COMMD1: variants seen among roughly 807,000 people sequenced by gnomAD.
COMMD1 encodes copper metabolism domain containing 1.
COMMD1 carries 10 observed loss-of-function variants against 17.2 expected under a neutral mutation model. That is an observed-to-expected ratio of 0.58 (90% confidence interval 0.36 to 0.99). COMMD1 has a LOEUF of 0.99. Ranked by LOEUF, COMMD1 falls within the 50% of genes least tolerant of loss-of-function variation. The pLI, the probability that COMMD1 is intolerant of heterozygous loss-of-function variation, is 0.01. For missense variants in COMMD1, 270 were observed against 231.8 expected (o/e 1.17, Z -1.07); for synonymous variants, 97 against 91.6 (o/e 1.06, Z -0.34).
intron 1 of COMMD1, among the ~76,000 whole-genome samples, chr2:61,988,976 C>G (rs1238033251): frequency 6.6e-6 from 1 of 152,196 alleles, no homozygotes; most frequent in Non-Finnish European, 1.5e-5. Flanking sequence ...CTCTCCCAAA[C>G]ACACAGATTC....
At chr2:61,906,432 G>A (rs1669773772) in intron 1 of COMMD1, among the ~76,000 whole-genome samples, 1 of 152,190 alleles carries the variant, frequency 6.6e-6, no homozygotes, top group Non-Finnish European at 1.5e-5. Flanking sequence ...AATAGCCAAA[G>A]TATTATCACT....
upstream of COMMD1, among the ~76,000 whole-genome samples, chr2:61,904,000 G>GTAT (rs1316626788): frequency 1.3e-5 from 2 of 151,940 alleles, no homozygotes; most frequent in African/African-American, 4.8e-5. Flanking sequence ...GAAACACAAT[G>GTAT]TATTATTATT....
chr2:62,082,895 GTTTCC>G (rs1671564084), intron 2 of COMMD1, among the ~76,000 whole-genome samples: 1 of 152,136 alleles, frequency 6.6e-6, no homozygotes, highest in African/African-American at 2.4e-5. Flanking sequence ...AAAAAAACAA[GTTTCC>G]TTCCCTTCCT....
At chr2:61,905,991 C>A in intron 1 of COMMD1, 133 bp downstream of exon 1, 2 of 849,398 alleles carry the variant, frequency 2.4e-6, no homozygotes, top group Non-Finnish European at 1.9e-6. Flanking sequence ...ACTCCGTGGG[C>A]TCCACATCGG....
intron 2 of COMMD1, among the ~76,000 whole-genome samples, chr2:62,044,113 T>C (rs1419608143): frequency 1.3e-5 from 2 of 152,204 alleles, no homozygotes; most frequent in African/African-American, 2.4e-5. Context: ...TGTTTTTGCC[T>C]TTTGGCTTCC....
chr2:61,963,853 A>C (rs146989320), intron 1 of COMMD1, among the ~76,000 whole-genome samples: 1 of 152,146 alleles, frequency 6.6e-6, no homozygotes, highest in Non-Finnish European at 1.5e-5. Flanking sequence ...CACTTTACCT[A>C]CCAGTTTTCA....
intron 1 of COMMD1, among the ~76,000 whole-genome samples, chr2:61,906,630 G>T (rs1233453511): frequency 8.8e-6 from 1 of 114,054 alleles, no homozygotes; most frequent in African/African-American, 5.6e-5. Context: ...CTAGTTATAG[G>T]AATGTAGTGT....
At chr2:61,932,200 C>T (rs890453425) in intron 1 of COMMD1, among the ~76,000 whole-genome samples, 10 of 152,224 alleles carry the variant, frequency 6.6e-5, no homozygotes, top group African/African-American at 2.4e-4. Flanking sequence ...TATTCTCTAA[C>T]AGTAATGTCT....
At chr2:61,942,667 G>A (rs777555523) in intron 1 of COMMD1, among the ~76,000 whole-genome samples, 2 of 151,082 alleles carry the variant, frequency 1.3e-5, no homozygotes, top group Non-Finnish European at 2.9e-5. Context: ...AGCCTCCCAA[G>A]TAGTTGGGAT....
At chr2:62,070,712 A>C (rs1191024878) in intron 2 of COMMD1, among the ~76,000 whole-genome samples, 1 of 152,184 alleles carries the variant, frequency 6.6e-6, no homozygotes, top group Admixed American at 6.5e-5. Flanking sequence ...CCATAGAATA[A>C]AGTGAAAACA....
At chr2:62,019,159 T>C (rs1194015428) in intron 2 of COMMD1, among the ~76,000 whole-genome samples, 2 of 133,876 alleles carry the variant, frequency 1.5e-5, no homozygotes, top group Non-Finnish European at 3.2e-5. Flanking sequence ...CTTCCTTCTC[T>C]TTCCTCCTTT....
chr2:62,055,498 C>G, intron 2 of COMMD1: 1 of 455,856 alleles, frequency 2.2e-6, no homozygotes, highest in South Asian at 1.6e-5. Context: ...TGGCGACCGG[C>G]TATCCATTGA....
chr2:61,981,497 T>G (rs972409575), intron 1 of COMMD1, among the ~76,000 whole-genome samples: 1 of 152,170 alleles, frequency 6.6e-6, no homozygotes, highest in Non-Finnish European at 1.5e-5. Flanking sequence ...GTTCCACTGG[T>G]CTGTGTGTCT....
intron 2 of COMMD1, among the ~76,000 whole-genome samples, chr2:62,112,145 T>C (rs901423606): frequency 2.0e-5 from 3 of 152,200 alleles, no homozygotes; most frequent in African/African-American, 7.2e-5. Context: ...ACTTTGCCAG[T>C]TTCTTCATGG....
intron 2 of COMMD1, among the ~76,000 whole-genome samples, chr2:62,068,448 A>T (rs1214045780): frequency 6.6e-6 from 1 of 152,160 alleles, no homozygotes; most frequent in East Asian, 1.9e-4. Flanking sequence ...CAAAAACATG[A>T]TCCATAAAAG....
chr2:61,896,386 G>A (rs1266274123), intron 1 of COMMD1, among the ~76,000 whole-genome samples: 1 of 152,042 alleles, frequency 6.6e-6, no homozygotes, highest in African/African-American at 2.4e-5. Context: ...AGGAATTTGA[G>A]ATCAGCCTGG....
At position 62,074,143 on chromosome 2, in the gene COMMD1, C is replaced by T. The variant is rs145567947; in HGVS notation, c.463-61688C>T. Among the ~76,000 whole-genome samples the T allele has an allele frequency of 1.4e-3, 207 of 152,318 alleles. 3 individuals are homozygous for T. The highest frequency in any genetic ancestry group is 4.9e-3 in the African/African-American group (203 of 41,576). ...GCACTCTTCCTTTGGAATCAGGGCA[C>T]ATCACCCTCCCATCACATCAATGTG... is the stretch of plus-strand genomic sequence containing the variant. On this transcript the variant is annotated intron_variant, in intron 2 of 2. Transcript: ENST00000311832.
At chr2:61,911,495 A>G (rs887670077) in intron 1 of COMMD1, among the ~76,000 whole-genome samples, 16 of 152,180 alleles carry the variant, frequency 1.1e-4, no homozygotes, top group Admixed American at 7.9e-4. Context: ...ATTTAGAGAC[A>G]GGGACTCACT....
intron 1 of COMMD1, among the ~76,000 whole-genome samples, chr2:61,899,254 C>A (rs1020937724): frequency 6.6e-6 from 1 of 152,098 alleles, no homozygotes; most frequent in South Asian, 2.1e-4. Flanking sequence ...CCTCCCTTTA[C>A]CAGAAGGAAG....
Sources: gnomAD v4.1 joint callset for allele counts (sites outside exome capture counted in the v4.1 genomes callset) on GRCh38, gnomAD v4.1.1 for gene constraint, MANE v1.5 for transcripts, NCBI Gene and HGNC (gene_info 2026-07-23, HGNC 2026-07-21) for gene names.